Variants in SLC16A10 observed in about 807,000 individuals in gnomAD.
SLC16A10 encodes monocarboxylate transporter 10.
In SLC16A10, 27 loss-of-function variants were observed where a neutral mutation model predicts 40.0. That is an observed-to-expected ratio of 0.67 (90% CI 0.50 to 0.93). The LOEUF (loss-of-function observed/expected upper bound fraction) is 0.93, where lower values mean the gene tolerates loss of function less well. SLC16A10 is among the 40% of genes least tolerant of loss of function. SLC16A10 has a pLI of 0.00. For synonymous variants in SLC16A10, 213 were observed against 249.8 expected (o/e 0.85, Z 1.39); for missense variants, 529 against 658.2 (o/e 0.80, Z 2.15).
chr6:111,146,167 T>G (rs962153466), intron 1 of SLC16A10, among the ~76,000 whole-genome samples: 1 of 152,204 alleles, frequency 6.6e-6, no homozygotes, highest in Non-Finnish European at 1.5e-5. Context: ...AGACATTTCT[T>G]CAAAGAAGAC....
intron 1 of SLC16A10, among the ~76,000 whole-genome samples, chr6:111,136,075 G>A (rs1367195955): frequency 6.6e-6 from 1 of 152,208 alleles, no homozygotes; most frequent in Non-Finnish European, 1.5e-5. Context: ...GGATTCCCAA[G>A]TACGGCAAAA....
At chr6:111,104,112 A>G (rs575661601) in intron 1 of SLC16A10, among the ~76,000 whole-genome samples, 1 of 152,338 alleles carries the variant, frequency 6.6e-6, no homozygotes, top group East Asian at 1.9e-4. Context: ...GTCATAGACT[A>G]TAAGGCTGGC....
intron 1 of SLC16A10, among the ~76,000 whole-genome samples, chr6:111,112,921 G>A (rs1771415443): frequency 6.6e-6 from 1 of 152,094 alleles, no homozygotes; most frequent in South Asian, 2.1e-4. Flanking sequence ...TATATCAGCA[G>A]GTAACAGGAA....
rs113736184 is a variant in SLC16A10, at chr6:111,167,917, C to T, written c.344-4778C>T. 2.6e-3 allele frequency among the ~76,000 whole-genome samples: 389 copies of T among 151,874 alleles called. 2 individuals carry two copies. Among genetic ancestry groups the T allele is most frequent in the African/African-American group, 8.9e-3 (368 of 41,392 alleles). ...CTTGAACTACTGGCTTCAAGTAATC[C>T]TCCTACCTCAGCCTCCCAAAGTGCT... is the stretch of plus-strand genomic sequence containing the variant. On this transcript the variant is annotated intron_variant, in intron 1 of 5. Coordinates refer to ENST00000368851, the MANE Select transcript of SLC16A10 (RefSeq NM_018593.5).
intron 3 of SLC16A10, among the ~76,000 whole-genome samples, chr6:111,190,121 A>T (rs1008557980): frequency 6.6e-6 from 1 of 152,230 alleles, no homozygotes; most frequent in African/African-American, 2.4e-5. Flanking sequence ...AAATACACCC[A>T]TTCCAAATGG....
intron 2 of SLC16A10, 139 bp from the exon 3 acceptor site, chr6:111,177,071 ATT>A (rs773411509): frequency 2.6e-3 from 1,068 of 404,100 alleles, no homozygotes; most frequent in Non-Finnish European, 3.2e-3. Context: ...ATTTTGGTTA[ATT>A]TTTTTTTTTT....
In SLC16A10 at chr6:111,121,667, A is replaced by G. The variant is rs146839283; in HGVS notation, c.343+33572A>G. Among the ~76,000 whole-genome samples the G allele has an allele frequency of 3.3e-4, 50 of 152,322 alleles. No individual in the cohort carries two copies. The East Asian group carries it at 6.4e-3, about 19-fold the overall frequency. On this transcript the variant is annotated intron_variant, in intron 1 of 5. Transcript: ENST00000368851. ...AGCTTGGTTTAAAGAAACTATGGAAAGCTACAGACTAACCTCCTTTTCCTT... is the reference window on the plus strand; with the variant it reads ...AGCTTGGTTTAAAGAAACTATGGAAGGCTACAGACTAACCTCCTTTTCCTT...
intron 1 of SLC16A10, chr6:111,091,412 T>C (rs1770972977): frequency 6.6e-6 from 1 of 152,186 alleles, no homozygotes. Flanking sequence ...TGTTGTTGAT[T>C]AATTTAAGTG....
In SLC16A10 at chr6:111,223,633, T is replaced by C. The variant is rs1222482855; in HGVS notation, c.*1398T>C. The C allele has an allele frequency of 6.6e-6, 1 of 152,202 alleles. No individual in the cohort carries two copies. Among genetic ancestry groups the C allele is most frequent in the Non-Finnish European group, 1.5e-5 (1 of 68,036 alleles). The allele number at this position is 152,202 out of a possible 1,614,324, so 9.4% of individuals were successfully genotyped here. Reference sequence around the variant, plus strand: ...GATAATTTGCCTGTGGATGGTTCTTTTGCAGGAAAAAAAATCTACATTTTG... The same window carrying C: ...GATAATTTGCCTGTGGATGGTTCTTCTGCAGGAAAAAAAATCTACATTTTG... On this transcript the variant is annotated 3_prime_UTR_variant, in exon 6 of 6. Transcript: ENST00000368851.
intron 1 of SLC16A10, among the ~76,000 whole-genome samples, chr6:111,137,766 G>A (rs1771907397): frequency 6.6e-6 from 1 of 152,236 alleles, no homozygotes; most frequent in Non-Finnish European, 1.5e-5. Context: ...GGACTAGCTG[G>A]ATTTCCTAGG....
At chr6:111,196,894 G>A (rs1190816471) in intron 3 of SLC16A10, among the ~76,000 whole-genome samples, 6 of 152,156 alleles carry the variant, frequency 3.9e-5, no homozygotes, top group Admixed American at 3.9e-4. Flanking sequence ...ATAGATACGG[G>A]TATCTGAGGA....
In SLC16A10 at chr6:111,222,208, CA is replaced by C; in HGVS notation, c.1523del (p.Lys508ArgfsTer24). ...SLLSSSSGMF[K>X]KESDSII Reference sequence around the variant, plus strand: ...TGCTGTCAAGTTCATCTGGAATGTTCAAGAAAGAATCTGACTCTATTATTTA... The same window carrying C: ...TGCTGTCAAGTTCATCTGGAATGTTCAGAAAGAATCTGACTCTATTATTTA... On this transcript the variant is annotated frameshift_variant, in exon 6 of 6. Transcript: ENST00000368851. LOFTEE classifies it high-confidence loss of function. The C allele has an allele frequency of 2.5e-6, 4 of 1,605,258 alleles. No individual in the cohort carries two copies. The highest frequency in any genetic ancestry group is 3.4e-6 in the Non-Finnish European group (4 of 1,177,630).
chr6:111,146,654 G>A (rs981651122), intron 1 of SLC16A10, among the ~76,000 whole-genome samples: 24 of 151,950 alleles, frequency 1.6e-4, no homozygotes, highest in Admixed American at 9.2e-4. Context: ...GGAGAATGTC[G>A]TGAACCCGGC....
At chr6:111,105,517 G>A (rs1432086435) in intron 1 of SLC16A10, among the ~76,000 whole-genome samples, 1 of 152,166 alleles carries the variant, frequency 6.6e-6, no homozygotes, top group Non-Finnish European at 1.5e-5. Flanking sequence ...GGTTTGTTAG[G>A]GGAGGAGGTG....
chr6:111,161,725 A>T (rs1423845124), intron 1 of SLC16A10, among the ~76,000 whole-genome samples: 1 of 152,170 alleles, frequency 6.6e-6, no homozygotes, highest in Non-Finnish European at 1.5e-5. Flanking sequence ...GGGGGTAAGG[A>T]CAGCTCAAAA....
At position 111,170,325 on chromosome 6, in the gene SLC16A10, T is replaced by C. The variant is rs193113448; in HGVS notation, c.344-2370T>C. On this transcript the variant is annotated intron_variant, in intron 1 of 5. Coordinates refer to ENST00000368851, the MANE Select transcript of SLC16A10 (RefSeq NM_018593.5). ...CTAATATTTAGTGTTGGCCCCTTAATTATAAAAGTTGCTTTTATCTAAAAG... is the reference window on the plus strand; with the variant it reads ...CTAATATTTAGTGTTGGCCCCTTAACTATAAAAGTTGCTTTTATCTAAAAG... Among the ~76,000 whole-genome samples, 390 of 152,370 alleles carry C rather than the reference T, an allele frequency of 2.6e-3. 2 individuals carry two copies. The highest frequency in any genetic ancestry group is 8.9e-3 in the African/African-American group (369 of 41,592).
intron 3 of SLC16A10, among the ~76,000 whole-genome samples, chr6:111,186,816 G>T (rs1772906100): frequency 6.6e-6 from 1 of 151,916 alleles, no homozygotes; most frequent in East Asian, 1.9e-4. Flanking sequence ...TGGCTCTTTT[G>T]CCCCTCTCTC....
At position 111,204,127 on chromosome 6, in the gene SLC16A10, TGTA is replaced by T. The variant is rs1330253394; in HGVS notation, c.943-2462_943-2460del. Among the ~76,000 whole-genome samples, 4 of 152,122 alleles carry T rather than the reference TGTA, an allele frequency of 2.6e-5. No homozygotes were observed. In the East Asian group the frequency reaches 7.7e-4, roughly 29 times the overall value. ...AGCAAGAAGCATGTTAGAAGACTGCTGTAGTGGTCCCGGTGAGGAGTGAAAGGA... is the reference window on the plus strand; with the variant it reads ...AGCAAGAAGCATGTTAGAAGACTGCTGTGGTCCCGGTGAGGAGTGAAAGGA... On this transcript the variant is annotated intron_variant, in intron 3 of 5. Coordinates refer to ENST00000368851, the MANE Select transcript of SLC16A10 (RefSeq NM_018593.5).
At position 111,121,665 on chromosome 6, in the gene SLC16A10, A is replaced by G. The variant is rs182923124; in HGVS notation, c.343+33570A>G. Among the ~76,000 whole-genome samples, 47 of 152,348 alleles carry G rather than the reference A, an allele frequency of 3.1e-4. 1 individual carries two copies. Among genetic ancestry groups the G allele is most frequent in the African/African-American group, 1.1e-3 (46 of 41,584 alleles). ...ACAGCTTGGTTTAAAGAAACTATGG[A>G]AAGCTACAGACTAACCTCCTTTTCC... On this transcript the variant is annotated intron_variant, in intron 1 of 5. Transcript: ENST00000368851.
Sources: allele counts gnomAD v4.1 joint callset (sites outside exome capture counted in the v4.1 genomes callset), GRCh38; gene constraint gnomAD v4.1.1; transcripts MANE v1.5; gene names NCBI Gene and HGNC (gene_info 2026-07-23, HGNC 2026-07-21).